Variants in PLAG1 observed in about 807,000 individuals in gnomAD.
PLAG1 encodes zinc finger protein PLAG1.
A neutral mutation model predicts 35.5 loss-of-function variants in PLAG1; 7 were observed. That is an observed-to-expected ratio of 0.20 (90% confidence interval 0.11 to 0.37). The LOEUF is 0.37. Ranked by LOEUF, PLAG1 falls within the 10% of genes least tolerant of loss-of-function variation. The pLI, the probability that PLAG1 is intolerant of heterozygous loss-of-function variation, is 1.00. For synonymous variants in PLAG1, 229 were observed against 225.4 expected, an observed-to-expected ratio of 1.02 and a Z score of -0.14; for missense variants, 454 against 602.8, an observed-to-expected ratio of 0.75 and a Z score of 2.58.
chr8:56,182,230 T>G (rs1811891902), intron 1 of PLAG1, among the ~76,000 whole-genome samples: 2 of 152,170 alleles, frequency 1.3e-5, no homozygotes, highest in South Asian at 4.1e-4. Context: ...GTTGGAGTTA[T>G]CCAAAGCGGA....
At chr8:56,172,022 A>T (rs4623387) in intron 2 of PLAG1, among the ~76,000 whole-genome samples, 2 of 152,216 alleles carry the variant, frequency 1.3e-5, no homozygotes, top group Non-Finnish European at 1.5e-5. Context: ...AGAGAGCACA[A>T]GGCATGAGAG....
intron 2 of PLAG1, among the ~76,000 whole-genome samples, chr8:56,176,663 G>A (rs946980500): frequency 4.0e-5 from 6 of 151,292 alleles, no homozygotes; most frequent in African/African-American, 1.5e-4. Flanking sequence ...AATTTCCTGT[G>A]CTTTTTTTTT....
At chr8:56,192,360 T>C (rs1403323439) in intron 1 of PLAG1, among the ~76,000 whole-genome samples, 1 of 152,348 alleles carries the variant, frequency 6.6e-6, no homozygotes, top group East Asian at 1.9e-4. Context: ...ATTTAAAGAC[T>C]GGACTGGAAA....
Position 56,167,041 on chromosome 8 carries a change from A to G in PLAG1, c.705T>C (p.Ser235=). 6.2e-7 allele frequency: 1 copy of G among 1,613,870 alleles called. No homozygotes were observed. Among genetic ancestry groups the G allele is most frequent in the Non-Finnish European group, 8.5e-7 (1 of 1,179,922 alleles). Residue 235 remains serine (S), a synonymous_variant, in exon 5 of 5, where the codon AGT becomes AGC. Coordinates refer to ENST00000316981, the MANE Select transcript of PLAG1 (RefSeq NM_002655.3). The surrounding 1 kb of genome is among the most constrained non-coding windows in gnomAD (Gnocchi z 5.9). ...KDHLTRHMKK[S]HNQELLKVKT... Reference sequence around the variant, plus strand: ...TGACCTTCAGAAGCTCTTGATTGTGACTCTTCTTCATATGTCGAGTCAGGT... The same window carrying G: ...TGACCTTCAGAAGCTCTTGATTGTGGCTCTTCTTCATATGTCGAGTCAGGT...
rs781660993 is a variant in PLAG1 at position 56,162,949 on chromosome 8, A to G, written c.*3294T>C. On this transcript the variant is annotated 3_prime_UTR_variant, in exon 5 of 5. Transcript: ENST00000316981. ...AAAAGTTGCACACAGAGTGATGCATAATCAGCCAGGACAATTGAAGTTTTA... is the reference window on the plus strand; with the variant it reads ...AAAAGTTGCACACAGAGTGATGCATGATCAGCCAGGACAATTGAAGTTTTA... The G allele has an allele frequency of 2.3e-5, 5 of 214,758 alleles. No individual in the cohort carries two copies. Among genetic ancestry groups the G allele is most frequent in the Non-Finnish European group, 4.7e-5 (5 of 106,056 alleles). 13.3% of individuals were successfully genotyped at this position (214,758 alleles called of 1,614,324 possible).
At position 56,163,485 on chromosome 8, in the gene PLAG1, A is replaced by G. The variant is rs771052243; in HGVS notation, c.*2758T>C. 6.5e-5 allele frequency: 13 copies of G among 199,322 alleles called. 1 individual carries two copies. The highest frequency in any genetic ancestry group is 1.2e-4 in the Non-Finnish European group (12 of 96,116). 12.3% of individuals were successfully genotyped at this position (199,322 alleles called of 1,614,324 possible). ...AAGGGTTTAGTGACCACTACAGTCA[A>G]TTTTAAAAACAAATTAGCTGAATTC... is the stretch of plus-strand genomic sequence containing the variant. On this transcript the variant is annotated 3_prime_UTR_variant, in exon 5 of 5. Transcript: ENST00000316981.
intron 1 of PLAG1, among the ~76,000 whole-genome samples, chr8:56,196,528 C>T (rs1055233655): frequency 2.6e-5 from 4 of 152,044 alleles, no homozygotes; most frequent in African/African-American, 9.7e-5. Context: ...GCGCTGACTG[C>T]CATTCAGACC....
In PLAG1 at chr8:56,161,100, T is replaced by C. The variant is rs1442352323; in HGVS notation, c.*5143A>G. The C allele has an allele frequency of 5.4e-6, 1 of 185,968 alleles. No homozygotes were observed. Among genetic ancestry groups the C allele is most frequent in the African/African-American group, 2.3e-5 (1 of 42,652 alleles). 11.5% of individuals were successfully genotyped at this position (185,968 alleles called of 1,614,324 possible). ...GGATGTGAATGTTTAAAATGTAGTA[T>C]CACTGCAGCTTCATAATGTGATTGC... On this transcript the variant is annotated 3_prime_UTR_variant, in exon 5 of 5. Coordinates refer to ENST00000316981, the MANE Select transcript of PLAG1 (RefSeq NM_002655.3).
chr8:56,192,574 C>T (rs1334108348), intron 1 of PLAG1, among the ~76,000 whole-genome samples: 1 of 152,204 alleles, frequency 6.6e-6, no homozygotes, highest in Non-Finnish European at 1.5e-5. Flanking sequence ...TATAGAAGAA[C>T]ATTCCAGAAG....
intron 1 of PLAG1, among the ~76,000 whole-genome samples, chr8:56,204,687 C>T (rs1343752229): frequency 6.6e-6 from 1 of 151,824 alleles, no homozygotes; most frequent in Non-Finnish European, 1.5e-5. Flanking sequence ...AGAATATTAT[C>T]ACATTCAGAA....
At chr8:56,179,159 C>T (rs1037326995) in intron 2 of PLAG1, among the ~76,000 whole-genome samples, 1 of 150,276 alleles carries the variant, frequency 6.7e-6, no homozygotes, top group Non-Finnish European at 1.5e-5. Flanking sequence ...TAAGTTTTTA[C>T]AGCAGCTATG....
intron 2 of PLAG1, among the ~76,000 whole-genome samples, chr8:56,171,759 C>T (rs115245115): frequency 6.6e-6 from 1 of 152,168 alleles, no homozygotes; most frequent in Non-Finnish European, 1.5e-5. Context: ...CAACTCTGCA[C>T]TCTTTAGATT....
chr8:56,165,555 G>C lies in PLAG1; in HGVS notation c.*688C>G. 4.9e-6 allele frequency: 1 copy of C among 206,130 alleles called. No homozygotes were observed. The highest frequency in any genetic ancestry group is 7.5e-5 in the East Asian group (1 of 13,402). The allele number at this position is 206,130 out of a possible 1,614,324, so 12.8% of individuals were successfully genotyped here. ...ACTAATTTAGGGCCAACTATTAAGT[G>C]ACACGAAATGCCATGTCACCTAACA... is the stretch of plus-strand genomic sequence containing the variant. On this transcript the variant is annotated 3_prime_UTR_variant, in exon 5 of 5. Coordinates refer to ENST00000316981, the MANE Select transcript of PLAG1 (RefSeq NM_002655.3).
chr8:56,187,687 G>A (rs138864457), intron 1 of PLAG1, among the ~76,000 whole-genome samples: 94 of 152,136 alleles, frequency 6.2e-4, no homozygotes, highest in Non-Finnish European at 1.1e-3. Context: ...GCTCTTATAC[G>A]GAATCACAGT....
rs575302319 is a variant in PLAG1 at position 56,209,298 on chromosome 8, G to C, written c.-322+1823C>G. On this transcript the variant is annotated intron_variant, in intron 1 of 4. Coordinates refer to ENST00000316981, the MANE Select transcript of PLAG1 (RefSeq NM_002655.3). ...AATGTAACATGAAAAGTTCCTGGGA[G>C]GGCTTGTTACACAAAGGAACAGTTT... is the stretch of plus-strand genomic sequence containing the variant. The C allele has an allele frequency of 1.2e-4, 18 of 152,330 alleles. No individual in the cohort carries two copies. In the East Asian group the frequency reaches 2.7e-3, roughly 23 times the overall value. The allele number at this position is 152,330 out of a possible 1,614,324, so 9.4% of individuals were successfully genotyped here.
rs1438041938 is a variant in PLAG1 at position 56,161,211 on chromosome 8, T to C, written c.*5032A>G. On this transcript the variant is annotated 3_prime_UTR_variant, in exon 5 of 5. Coordinates refer to ENST00000316981, the MANE Select transcript of PLAG1 (RefSeq NM_002655.3). ...ACAACAGTAGTTTGTGAATACATTT[T>C]AAGTACACGATATACATGATAAGCC... is the stretch of plus-strand genomic sequence containing the variant. The C allele has an allele frequency of 5.1e-6, 1 of 197,038 alleles. No homozygotes were observed. Among genetic ancestry groups the C allele is most frequent in the African/African-American group, 2.3e-5 (1 of 43,322 alleles). The allele number at this position is 197,038 out of a possible 1,614,324, so 12.2% of individuals were successfully genotyped here.
intron 3 of PLAG1, among the ~76,000 whole-genome samples, chr8:56,170,742 C>A (rs887975850): frequency 6.6e-6 from 1 of 152,084 alleles, no homozygotes; most frequent in Non-Finnish European, 1.5e-5. Flanking sequence ...TAGAAGTGCA[C>A]CAATATGCAA....
intron 2 of PLAG1, among the ~76,000 whole-genome samples, chr8:56,178,997 T>C (rs1396511427): frequency 1.9e-5 from 2 of 103,868 alleles, no homozygotes; most frequent in Non-Finnish European, 3.5e-5. Context: ...CACCTGCCCA[T>C]AGGTAATAGG....
At chr8:56,188,197 C>T (rs187570183) in intron 1 of PLAG1, among the ~76,000 whole-genome samples, 1 of 152,308 alleles carries the variant, frequency 6.6e-6, no homozygotes, top group Non-Finnish European at 1.5e-5. Context: ...TTCTCTCGTC[C>T]TCCTGAAATG....
Sources: gnomAD v4.1 joint callset for allele counts (sites outside exome capture counted in the v4.1 genomes callset) on GRCh38, gnomAD v4.1.1 for gene constraint, Gnocchi (gnomAD v3.1) non-coding constraint, MANE v1.5 for transcripts, NCBI Gene and HGNC (gene_info 2026-07-23, HGNC 2026-07-21) for gene names.